EEFSEC: variants seen among roughly 807,000 people sequenced by gnomAD.
The protein encoded by EEFSEC is selenocysteine-specific elongation factor.
In EEFSEC, 43 loss-of-function variants were observed where a neutral mutation model predicts 42.1. The observed-to-expected ratio is 1.02, with a 90% CI of 0.80 to 1.32. EEFSEC has a LOEUF of 1.32. Ranked by LOEUF, EEFSEC falls within the 40% of genes most tolerant of loss-of-function variation. The pLI, the probability that EEFSEC is intolerant of heterozygous loss-of-function variation, is 0.00. For synonymous variants in EEFSEC, 354 were observed against 339.1 expected (o/e 1.04, Z -0.48); for missense variants, 745 against 803.6 (o/e 0.93, Z 0.88).
chr3:128,408,171 G>A lies in EEFSEC; in HGVS notation c.1703G>A (p.Arg568Gln), dbSNP rs373807553. 7.3e-5 allele frequency: 118 copies of A among 1,612,858 alleles called. No individual in the cohort carries two copies. Among genetic ancestry groups the A allele is most frequent in the African/African-American group, 6.5e-4 (49 of 75,004 alleles). ...EATRQEESAE[R>Q]SEPSQHVVLS... ...ACCAGGCAGGAGGAGAGCGCCGAGC[G>A]GAGCGAGCCCTCACAGCATGTGGTG... The change falls in exon 7 of 7, where the codon CGG becomes CAG. Residue 568 changes from arginine to glutamine, a missense_variant. Coordinates refer to ENST00000254730, the MANE Select transcript of EEFSEC (RefSeq NM_021937.5).
chr3:128,262,843 G>A (rs1210289138), intron 3 of EEFSEC, among the ~76,000 whole-genome samples: 1 of 152,194 alleles, frequency 6.6e-6, no homozygotes, highest in Non-Finnish European at 1.5e-5. Flanking sequence ...TACTAAGGAA[G>A]GTAGCAGTGA....
chr3:128,283,537 G>A (rs2066551819), intron 4 of EEFSEC, among the ~76,000 whole-genome samples: 1 of 152,142 alleles, frequency 6.6e-6, no homozygotes, highest in South Asian at 2.1e-4. Context: ...CTCCAGACTG[G>A]CCTCTGTGCT....
intron 2 of EEFSEC, among the ~76,000 whole-genome samples, chr3:128,250,518 C>T (rs2107905973): frequency 6.6e-6 from 1 of 152,204 alleles, no homozygotes. Context: ...GTCTTTTCCC[C>T]TTTTAACTTT....
At chr3:128,358,117 A>G in intron 5 of EEFSEC, 100 bp from the exon 6 acceptor site, 2 of 1,494,470 alleles carry the variant, frequency 1.3e-6, no homozygotes, top group South Asian at 1.3e-5. Context: ...GCAGCCAGCC[A>G]TGCCTAGGGC....
intron 1 of EEFSEC, among the ~76,000 whole-genome samples, chr3:128,214,472 A>G (rs975393443): frequency 6.6e-6 from 1 of 152,256 alleles, no homozygotes; most frequent in African/African-American, 2.4e-5. Context: ...TAATTTGATA[A>G]GAAAAATTTT....
intron 4 of EEFSEC, among the ~76,000 whole-genome samples, chr3:128,285,306 C>G (rs1351038149): frequency 2.6e-5 from 4 of 152,050 alleles, no homozygotes; most frequent in Admixed American, 2.6e-4. Context: ...GCTGCAGAGC[C>G]TGGGAGGCAT....
intron 1 of EEFSEC, among the ~76,000 whole-genome samples, chr3:128,198,086 C>T (rs1259027096): frequency 6.6e-6 from 1 of 152,190 alleles, no homozygotes; most frequent in Non-Finnish European, 1.5e-5. Context: ...TGTACTGTGG[C>T]TTCCCCTGAC....
chr3:128,207,270 C>T (rs2065707549), intron 1 of EEFSEC, among the ~76,000 whole-genome samples: 1 of 139,180 alleles, frequency 7.2e-6, no homozygotes, highest in African/African-American at 2.7e-5. Context: ...ATTTTCTTCC[C>T]TCCATCTTCC....
chr3:128,363,443 A>G (rs986029535), intron 6 of EEFSEC, among the ~76,000 whole-genome samples: 4 of 152,214 alleles, frequency 2.6e-5, no homozygotes, highest in Non-Finnish European at 5.9e-5. Flanking sequence ...GCTGGGGGTG[A>G]GGCACTGAAG....
At chr3:128,182,663 T>C (rs2065420885) in intron 1 of EEFSEC, among the ~76,000 whole-genome samples, 1 of 152,230 alleles carries the variant, frequency 6.6e-6, no homozygotes, top group African/African-American at 2.4e-5. Context: ...TTATTCTGTC[T>C]TTTATGGTTG....
At chr3:128,363,773 T>A (rs945442922) in intron 6 of EEFSEC, among the ~76,000 whole-genome samples, 1 of 152,206 alleles carries the variant, frequency 6.6e-6, no homozygotes. Context: ...TGAAGGAGTT[T>A]GGTGGAATAG....
chr3:128,192,226 A>T (rs1448813649), intron 1 of EEFSEC, among the ~76,000 whole-genome samples: 2 of 152,032 alleles, frequency 1.3e-5, no homozygotes, highest in African/African-American at 2.4e-5. Flanking sequence ...GTCTCAACCT[A>T]TCCATCTGTA....
intron 1 of EEFSEC, among the ~76,000 whole-genome samples, chr3:128,175,867 C>T (rs532060968): frequency 6.6e-6 from 1 of 152,312 alleles, no homozygotes; most frequent in Non-Finnish European, 1.5e-5. Context: ...CATAGCTGTG[C>T]TCAGTTAAGT....
chr3:128,233,019 C>T (rs549499196), intron 1 of EEFSEC, among the ~76,000 whole-genome samples: 4 of 152,192 alleles, frequency 2.6e-5, no homozygotes, highest in Admixed American at 6.5e-5. Context: ...AGGGGTGGGC[C>T]GCTCCTGGCT....
chr3:128,299,643 T>TG (rs1197102875), intron 4 of EEFSEC, among the ~76,000 whole-genome samples: 1 of 152,100 alleles, frequency 6.6e-6, no homozygotes, highest in Non-Finnish European at 1.5e-5. Context: ...GAGGAAGGCA[T>TG]GGGAAACCCA....
chr3:128,351,303 C>G (rs528129116), intron 5 of EEFSEC, among the ~76,000 whole-genome samples: 8 of 152,364 alleles, frequency 5.3e-5, no homozygotes, highest in African/African-American at 1.9e-4. Flanking sequence ...TTGACATCCA[C>G]TAATTGAGAT....
chr3:128,238,680 G>A (rs2066038284), intron 1 of EEFSEC, among the ~76,000 whole-genome samples: 1 of 152,144 alleles, frequency 6.6e-6, no homozygotes. Flanking sequence ...GTAGAGACGG[G>A]GTTTCATCAT....
intron 1 of EEFSEC, among the ~76,000 whole-genome samples, chr3:128,161,459 G>A (rs1488549026): frequency 1.3e-5 from 2 of 152,074 alleles, no homozygotes; most frequent in Admixed American, 1.3e-4. Context: ...TTGTCGCCTG[G>A]ACCTCTTGCC....
chr3:128,315,934 A>G (rs1244912193), intron 4 of EEFSEC, among the ~76,000 whole-genome samples: 1 of 152,188 alleles, frequency 6.6e-6, no homozygotes, highest in Non-Finnish European at 1.5e-5. Flanking sequence ...ATATGTCCTC[A>G]TATCTTTGAA....
Sources: gnomAD v4.1 joint callset for allele counts (sites outside exome capture counted in the v4.1 genomes callset) on GRCh38, gnomAD v4.1.1 for gene constraint, MANE v1.5 for transcripts, NCBI Gene and HGNC (gene_info 2026-07-23, HGNC 2026-07-21) for gene names.